The following SLC2A2 variants were observed in gnomAD, a reference collection of about 807,000 sequenced individuals.
The protein encoded by SLC2A2 is solute carrier family 2, facilitated glucose transporter member 2.
In SLC2A2, 36 loss-of-function variants were observed where a neutral mutation model predicts 54.5. The ratio of observed to expected loss-of-function variants is 0.66; its 90% confidence interval spans 0.51 to 0.87. SLC2A2 has a LOEUF of 0.87. Ranked by LOEUF, SLC2A2 falls within the 40% of genes least tolerant of loss-of-function variation. SLC2A2 has a pLI of 0.00. For missense variants in SLC2A2, 543 were observed against 624.3 expected, an observed-to-expected ratio of 0.87 and a Z score of 1.39; for synonymous variants, 223 against 219.1, an observed-to-expected ratio of 1.02 and a Z score of -0.16.
At chr3:170,998,903 C>A (rs1444468961) in intron 9 of SLC2A2, among the ~76,000 whole-genome samples, 162 bp downstream of exon 9, 4 of 152,142 alleles carry the variant, frequency 2.6e-5, no homozygotes, top group Admixed American at 2.6e-4. Flanking sequence ...ACTAGTTCAT[C>A]TTTTCTTTAT....
At position 170,997,942 on chromosome 3, in the gene SLC2A2, A is replaced by G; in HGVS notation, c.1536T>C (p.Ala512=). The G allele has an allele frequency of 6.2e-7, 1 of 1,613,530 alleles. No homozygotes were observed. The highest frequency in any genetic ancestry group is 8.5e-7 in the Non-Finnish European group (1 of 1,179,744). The part of the protein sequence containing the change: ...KSGSAHRPKA[A]VEMKFLGATE... ...TAGCTCCTAGGAATTTCATTTCTACAGCAGCTTTTGGCCTGTGGGCTGAGC... is the reference window on the plus strand; with the variant it reads ...TAGCTCCTAGGAATTTCATTTCTACGGCAGCTTTTGGCCTGTGGGCTGAGC... Residue 512 remains alanine (A), a synonymous_variant, in exon 11 of 11, where the codon GCT becomes GCC. Coordinates refer to ENST00000314251, the MANE Select transcript of SLC2A2 (RefSeq NM_000340.2).
chr3:171,004,775 T>C (rs561801831), intron 7 of SLC2A2, among the ~76,000 whole-genome samples: 110 of 152,124 alleles, frequency 7.2e-4, no homozygotes, highest in African/African-American at 2.4e-3. Context: ...GTCAACAATA[T>C]CATGCCAGTT....
At position 171,002,803 on chromosome 3, in the gene SLC2A2, C is replaced by T. The variant is rs115834493; in HGVS notation, c.964-123G>A. On this transcript the variant is annotated intron_variant, in intron 7 of 10. Transcript: ENST00000314251. ...TATAGCGGCATGCACCCTAGAACTT[C>T]GTACAGATTTTCTCCTTCCAAGGAA... The T allele has an allele frequency of 4.8e-3, 3,261 of 672,840 alleles. 17 individuals carry two copies. The highest frequency in any genetic ancestry group is 7.1e-3 in the Non-Finnish European group (2,674 of 374,324). 41.7% of individuals were successfully genotyped at this position (672,840 alleles called of 1,614,324 possible).
intron 5 of SLC2A2, among the ~76,000 whole-genome samples, chr3:171,006,786 A>T (rs1232864156): frequency 1.3e-5 from 2 of 152,054 alleles, no homozygotes; most frequent in African/African-American, 4.8e-5. Flanking sequence ...CAGGCAGTCA[A>T]ACACGAAGTT....
chr3:170,996,501 A>G lies in SLC2A2; in HGVS notation c.*1402T>C, dbSNP rs1261342541. 2.5e-6 allele frequency: 1 copy of G among 396,824 alleles called. No homozygotes were observed. The highest frequency in any genetic ancestry group is 4.4e-6 in the Non-Finnish European group (1 of 224,902). 24.6% of individuals were successfully genotyped at this position (396,824 alleles called of 1,614,324 possible). A position where few individuals can be genotyped will look rare whatever the true frequency, so the allele number is the denominator to read the frequency against. Reference sequence around the variant, plus strand: ...TTCTTCAATACACATTAAAGCAAACATAAGAAGGATTGATCAGTGCTCCAG... The same window carrying G: ...TTCTTCAATACACATTAAAGCAAACGTAAGAAGGATTGATCAGTGCTCCAG... On this transcript the variant is annotated 3_prime_UTR_variant, in exon 11 of 11. Coordinates refer to ENST00000314251, the MANE Select transcript of SLC2A2 (RefSeq NM_000340.2).
At chr3:171,017,850 A>T (rs1043053696) in intron 2 of SLC2A2, among the ~76,000 whole-genome samples, 2 of 152,216 alleles carry the variant, frequency 1.3e-5, no homozygotes, top group African/African-American at 4.8e-5. Context: ...ATATGAGAAA[A>T]ATGGTTGAAA....
rs753629940 is a variant in SLC2A2, at chr3:171,006,064, C to T, written c.654G>A (p.Trp218Ter). 6.2e-7 allele frequency: 1 copy of T among 1,612,504 alleles called. No homozygotes were observed. Among genetic ancestry groups the T allele is most frequent in the Non-Finnish European group, 8.5e-7 (1 of 1,179,016 alleles). ...LEFILGNYDLWHILLGLSGVR... is the reference protein window; with the variant it reads ...LEFILGNYDL ...CACCAGACAGGCCAAGCAGGATGTG[C>T]CACAGATCATAATTGCCCAAGATAA... Residue 218 changes from tryptophan (W) to a stop codon, truncating the protein, a stop_gained, in exon 6 of 11, where the codon TGG becomes TGA. Transcript: ENST00000314251. LOFTEE classifies it high-confidence loss of function.
intron 4 of SLC2A2, among the ~76,000 whole-genome samples, chr3:171,009,439 T>G (rs1311361723): frequency 6.6e-6 from 1 of 151,614 alleles, no homozygotes; most frequent in East Asian, 1.9e-4. Flanking sequence ...GGGTTCAGAG[T>G]GTTAAGGTCT....
chr3:171,022,469 T>C (rs1029732796), intron 1 of SLC2A2, among the ~76,000 whole-genome samples: 1 of 152,206 alleles, frequency 6.6e-6, no homozygotes, highest in Admixed American at 6.5e-5. Flanking sequence ...TAGAAACTTT[T>C]GGTGAGGTCT....
At chr3:171,004,470 TC>T (rs1172696740) in intron 7 of SLC2A2, among the ~76,000 whole-genome samples, 4 of 151,884 alleles carry the variant, frequency 2.6e-5, no homozygotes, top group Non-Finnish European at 2.9e-5. Context: ...TTCCTTTGCC[TC>T]CCCCAAGTGT....
chr3:171,019,129 G>A (rs930120241), intron 1 of SLC2A2, among the ~76,000 whole-genome samples: 254 of 25,022 alleles, frequency 0.01, no homozygotes, highest in Admixed American at 0.023. Context: ...ATATACGTAT[G>A]TATATATATA....
At chr3:171,009,742 A>G (rs1164348926) in intron 4 of SLC2A2, among the ~76,000 whole-genome samples, 2 of 152,098 alleles carry the variant, frequency 1.3e-5, no homozygotes, top group Admixed American at 6.6e-5. Flanking sequence ...TGTCATTGCC[A>G]TGGACGAGAA....
intron 1 of SLC2A2, among the ~76,000 whole-genome samples, chr3:171,022,494 A>G (rs1295620762): frequency 6.6e-6 from 1 of 152,240 alleles, no homozygotes. Context: ...ACAAAAGTCC[A>G]AAAAGGCAAA....
chr3:171,007,813 G>A (rs1176328680), intron 4 of SLC2A2, among the ~76,000 whole-genome samples: 1 of 152,022 alleles, frequency 6.6e-6, no homozygotes, highest in Non-Finnish European at 1.5e-5. Flanking sequence ...GGTGCAGAGA[G>A]GTAGAAGAGG....
intron 8 of SLC2A2, among the ~76,000 whole-genome samples, chr3:171,000,638 C>CT (rs895552744): frequency 4.7e-5 from 7 of 149,628 alleles, no homozygotes; most frequent in African/African-American, 1.8e-4. Context: ...TTTCTTTCTG[C>CT]TTTTTTTCTC....
chr3:171,007,937 T>C (rs1715687828), intron 4 of SLC2A2, among the ~76,000 whole-genome samples: 1 of 152,090 alleles, frequency 6.6e-6, no homozygotes, highest in Non-Finnish European at 1.5e-5. Flanking sequence ...TTTTGGTACT[T>C]AAACGAATAC....
Position 171,005,471 on chromosome 3 carries a change from G to A in SLC2A2, c.777C>T (p.Ser259=). ...KLDEEVKAKQ[S]LKRLRGYDDV... is the part of the protein sequence containing the mutation. ...CATCATATCCTCTGAGTCTTTTCAA[G>A]CCTGTCCAAGAAAATGATCAGGTTG... The change falls in exon 7 of 11, where the codon AGC becomes AGT. Residue 259 remains serine (S), a splice_region_variant and synonymous_variant. Coordinates refer to ENST00000314251, the MANE Select transcript of SLC2A2 (RefSeq NM_000340.2). 6.2e-7 allele frequency: 1 copy of A among 1,611,052 alleles called. No homozygotes were observed. Among genetic ancestry groups the A allele is most frequent in the South Asian group, 1.1e-5 (1 of 91,028 alleles).
At chr3:171,014,229 A>G (rs183653758) in intron 3 of SLC2A2, among the ~76,000 whole-genome samples, 6 of 152,316 alleles carry the variant, frequency 3.9e-5, no homozygotes, top group Non-Finnish European at 5.9e-5. Context: ...GATCAAAGCA[A>G]TTATCTAGAA....
intron 4 of SLC2A2, 71 bp downstream of exon 4, chr3:171,009,887 T>A: frequency 6.6e-7 from 1 of 1,524,954 alleles, no homozygotes; most frequent in Non-Finnish European, 8.8e-7. Flanking sequence ...ACATCCGCCT[T>A]TAGAGTTACT....
Sources: gnomAD v4.1 joint callset for allele counts (sites outside exome capture counted in the v4.1 genomes callset) on GRCh38, gnomAD v4.1.1 for gene constraint, MANE v1.5 for transcripts, NCBI Gene and HGNC (gene_info 2026-07-23, HGNC 2026-07-21) for gene names.